SNX31: variants seen among roughly 807,000 people sequenced by gnomAD.
The protein encoded by SNX31 is sorting nexin 31, also known as sorting nexin-31.
Under a neutral mutation model 65.4 loss-of-function variants are expected in SNX31, and 58 were observed. The observed-to-expected ratio is 0.89, with a 90% confidence interval of 0.72 to 1.10. The LOEUF is 1.10. SNX31 is among the 50% of genes least tolerant of loss of function. SNX31 has a pLI of 0.00. For missense variants in SNX31, 523 were observed against 529.7 expected (o/e 0.99, Z 0.12); for synonymous variants, 181 against 190.1 (o/e 0.95, Z 0.39).
Position 100,613,062 on chromosome 8 carries a change from C to G in SNX31, c.456G>C (p.Leu152=). The change falls in exon 6 of 14, where the codon CTG becomes CTC. Residue 152 remains leucine, a synonymous_variant. Transcript: ENST00000311812. This position sits in a 1 kb window ranked among gnomAD's most constrained non-coding sequence, Gnocchi z 5.2. ...VLEVVSHKIG[L]CRELLGYFGL... is the part of the protein sequence containing the mutation. ...CGAAGTAGCCCAAGAGCTCTCGACA[C>G]AGTCCAATTTTGTGTGACACCACCT... 1.9e-6 allele frequency: 3 copies of G among 1,614,020 alleles called. No individual in the cohort carries two copies. Among genetic ancestry groups the G allele is most frequent in the Non-Finnish European group, 1.7e-6 (2 of 1,179,974 alleles).
intron 7 of SNX31, 21 bp from the exon 8 acceptor site, chr8:100,608,584 A>G (rs1173743840): frequency 1.2e-6 from 2 of 1,612,200 alleles, no homozygotes; most frequent in African/African-American, 2.7e-5. Context: ...CAGGAGTGTG[A>G]AATTCATTCC....
rs1160939472 is a variant in SNX31, at chr8:100,600,335, A to G, written c.774+14T>C. 1.2e-6 allele frequency: 2 copies of G among 1,602,936 alleles called. No homozygotes were observed. The highest frequency in any genetic ancestry group is 2.2e-5 in the East Asian group (1 of 44,764). On this transcript the variant is annotated intron_variant, in intron 9 of 13. Transcript: ENST00000311812. ...CCTTTCAAGGGATTTCTCTTGGAGC[A>G]ATATTTGATTCACCTTTGTTTGACT... is the stretch of plus-strand genomic sequence containing the variant.
intron 10 of SNX31, among the ~76,000 whole-genome samples, chr8:100,591,412 C>A (rs1410492792): frequency 1.3e-5 from 2 of 150,386 alleles, no homozygotes; most frequent in African/African-American, 4.9e-5. Context: ...CGGCTTGAAC[C>A]CGGGAGGCGG....
chr8:100,655,023 AC>A (rs1439623398), intron 1 of SNX31, among the ~76,000 whole-genome samples: 2 of 152,176 alleles, frequency 1.3e-5, no homozygotes, highest in African/African-American at 4.8e-5. Context: ...AAAAAACAAA[AC>A]AAAACAAAAC....
In SNX31 at chr8:100,613,798, C is replaced by G. The variant is rs553906071; in HGVS notation, c.433-713G>C. On this transcript the variant is annotated intron_variant, in intron 5 of 13. Transcript: ENST00000311812. This position sits in a 1 kb window ranked among gnomAD's most constrained non-coding sequence, Gnocchi z 5.2. ...TGGACATCTACTCACGCTCCCTTAGCAGAAAATTCTACACGACCACAGGCT... is the reference window on the plus strand; with the variant it reads ...TGGACATCTACTCACGCTCCCTTAGGAGAAAATTCTACACGACCACAGGCT... 6.6e-6 allele frequency among the ~76,000 whole-genome samples: 1 copy of G among 152,282 alleles called. No individual in the cohort carries two copies. The highest frequency in any genetic ancestry group is 2.1e-4 in the South Asian group (1 of 4,824).
intron 12 of SNX31, among the ~76,000 whole-genome samples, chr8:100,581,953 A>C (rs1027233365): frequency 6.6e-6 from 1 of 152,202 alleles, no homozygotes; most frequent in African/African-American, 2.4e-5. Context: ...TAAAATGCAG[A>C]CTATCCTTAC....
At chr8:100,636,755 C>G (rs928621417) in intron 2 of SNX31, among the ~76,000 whole-genome samples, 2 of 151,894 alleles carry the variant, frequency 1.3e-5, no homozygotes, top group Admixed American at 6.6e-5. Flanking sequence ...GAGTTTCACT[C>G]TTGTTGCCCA....
chr8:100,582,521 T>C (rs1167966825), intron 12 of SNX31: 1 of 152,174 alleles, frequency 6.6e-6, no homozygotes. Flanking sequence ...CAAGAGGCAG[T>C]GAATTTATTT....
chr8:100,582,914 C>T (rs1437838170), intron 12 of SNX31, among the ~76,000 whole-genome samples: 3 of 150,528 alleles, frequency 2.0e-5, no homozygotes, highest in Non-Finnish European at 4.4e-5. Flanking sequence ...ACCCGGAAGG[C>T]GGAGCTTGCA....
rs142568508 is a variant in SNX31, at chr8:100,600,431, T to A, written c.692A>T (p.Asp231Val). ...VDLLYMQAIQ[D>V]IEKGWAKPTQ... is the part of the protein sequence containing the mutation. ...GGGTTTGGCCCATCCTTTTTCAATG[T>A]CCTGTATTGCCTTAAAATAACATAA... The change falls in exon 9 of 14, where the codon GAC becomes GTC. Residue 231 changes from aspartate to valine, a missense_variant. Transcript: ENST00000311812. 1.1e-4 allele frequency: 178 copies of A among 1,611,790 alleles called. 1 individual carries two copies. The highest frequency in any genetic ancestry group is 2.8e-5 in the Non-Finnish European group (33 of 1,179,260).
chr8:100,596,556 C>A, intron 10 of SNX31, 83 bp downstream of exon 10: 1 of 1,164,922 alleles, frequency 8.6e-7, no homozygotes, highest in South Asian at 1.3e-5. Context: ...AAATGGCAAA[C>A]CTGTCTCCCT....
intron 4 of SNX31, among the ~76,000 whole-genome samples, chr8:100,628,464 A>C (rs1818191910): frequency 6.6e-6 from 1 of 152,258 alleles, no homozygotes; most frequent in South Asian, 2.1e-4. Context: ...GCTGGAAACC[A>C]TCATTCTCAG....
intron 9 of SNX31, 110 bp downstream of exon 9, chr8:100,600,239 G>T (rs1379385253): frequency 1.5e-5 from 12 of 810,578 alleles, no homozygotes; most frequent in South Asian, 1.5e-5. Context: ...TTTAAAAAGA[G>T]CCCCACTTTT....
intron 12 of SNX31, among the ~76,000 whole-genome samples, chr8:100,581,698 T>C (rs1381583578): frequency 6.6e-6 from 1 of 152,166 alleles, no homozygotes; most frequent in African/African-American, 2.4e-5. Context: ...GAGACCTCTG[T>C]GTCCTAGTCC....
rs1208722495 is a variant in SNX31, at chr8:100,643,752, G to A, written c.141+5522C>T. Among the ~76,000 whole-genome samples the A allele has an allele frequency of 2.6e-5, 4 of 152,204 alleles. No homozygotes were observed. The South Asian group carries it at 6.2e-4, about 24-fold the overall frequency. On this transcript the variant is annotated intron_variant, in intron 2 of 13. Transcript: ENST00000311812. ...CCATCACCTTTTCCACCAAATCTCT[G>A]CTAAGCAACTACCAAGGCAGAATTC...
At chr8:100,591,017 T>G (rs962106251) in intron 10 of SNX31, among the ~76,000 whole-genome samples, 10 of 152,104 alleles carry the variant, frequency 6.6e-5, no homozygotes, top group Non-Finnish European at 8.8e-5. Context: ...GGCAAAAGTT[T>G]CAAGAAGTTG....
At chr8:100,584,291 A>T (rs1445997880) in intron 11 of SNX31, 103 bp from the exon 12 acceptor site, 1 of 762,644 alleles carries the variant, frequency 1.3e-6, no homozygotes, top group Non-Finnish European at 2.0e-6. Context: ...CCCTCCAATA[A>T]CACAGATTCA....
chr8:100,659,278 G>A lies in SNX31; in HGVS notation c.-58+3864C>T, dbSNP rs374103534. On this transcript the variant is annotated intron_variant, in intron 1 of 5. Coordinates refer to the SNX31 transcript ENST00000520352. ...GGAGACTTGCTTGAACCCAGGAGGC[G>A]GAGGTTGCAGGAGCTGAGATCACAC... Among the ~76,000 whole-genome samples the A allele has an allele frequency of 9.9e-5, 15 of 151,164 alleles. 1 individual carries two copies. In the South Asian group the frequency reaches 2.5e-3, roughly 25 times the overall value.
chr8:100,655,436 A>C (rs1019376011), intron 1 of SNX31, among the ~76,000 whole-genome samples: 1 of 152,150 alleles, frequency 6.6e-6, no homozygotes, highest in Non-Finnish European at 1.5e-5. Flanking sequence ...GAGATCACTG[A>C]ATCATGGGGG....
Sources: allele counts gnomAD v4.1 joint callset (sites outside exome capture counted in the v4.1 genomes callset), GRCh38; gene constraint gnomAD v4.1.1; non-coding constraint Gnocchi (gnomAD v3.1); transcripts MANE v1.5; gene names NCBI Gene and HGNC (gene_info 2026-07-23, HGNC 2026-07-21).